Variants in ABI3BP observed in about 807,000 individuals in gnomAD.
The protein encoded by ABI3BP is ABI family member 3 binding protein, also known as target of Nesh-SH3.
ABI3BP carries 216 observed loss-of-function variants against 268.6 expected under a neutral mutation model. That is an observed-to-expected ratio of 0.80 (90% CI 0.72 to 0.90). The LOEUF is 0.90. Among genes scored for constraint, ABI3BP ranks in the 40% least tolerant of loss-of-function variants. The pLI, the probability that ABI3BP is intolerant of heterozygous loss-of-function variation, is 0.00. For synonymous variants in ABI3BP, 730 were observed against 730.0 expected, an observed-to-expected ratio of 1.00 and a Z score of 0.00; for missense variants, 2,090 against 2,182.4, an observed-to-expected ratio of 0.96 and a Z score of 0.84.
At chr3:100,753,885 G>T (rs201325132) in intron 64 of ABI3BP, 37 bp from the exon 65 acceptor site, 427 of 1,591,022 alleles carry the variant, frequency 2.7e-4, no homozygotes, top group Non-Finnish European at 3.4e-4. Flanking sequence ...GACCTTACTA[G>T]GTAAAACCCC....
chr3:100,856,745 A>G (rs1199528982), intron 14 of ABI3BP, among the ~76,000 whole-genome samples: 1 of 152,190 alleles, frequency 6.6e-6, no homozygotes, highest in Non-Finnish European at 1.5e-5. Context: ...GCATTATCAA[A>G]CTAGAAACAA....
In ABI3BP at chr3:100,770,859, C is replaced by G; in HGVS notation, c.4625G>C (p.Gly1542Ala). ...GTTCTGTGGTGGGCTGGTGGCATTC[C>G]CCTCTGTGGCCTCCTCTTTGGGGAA... Reference protein sequence around the residue: ...KRFPKEEATEGNATSPPQNPP... With the variant: ...KRFPKEEATEANATSPPQNPP... The change falls in exon 62 of 68, where the codon GGG (glycine) becomes GCG (alanine). Residue 1542 changes from glycine (G) to alanine (A), a missense_variant. Gly to Ala is a moderately conservative substitution (Grantham distance 60). Transcript: ENST00000471714. The G allele has an allele frequency of 6.2e-7, 1 of 1,604,270 alleles. No individual in the cohort carries two copies. Among genetic ancestry groups the G allele is most frequent in the Non-Finnish European group, 8.5e-7 (1 of 1,175,300 alleles).
intron 9 of ABI3BP, among the ~76,000 whole-genome samples, chr3:100,872,873 T>C (rs1479526263): frequency 2.6e-5 from 4 of 152,138 alleles, no homozygotes; most frequent in Non-Finnish European, 5.9e-5. Flanking sequence ...TAACTAACTC[T>C]AGGACTACTA....
chr3:100,792,691 C>T lies in ABI3BP; in HGVS notation c.4024G>A (p.Ala1342Thr). The T allele has an allele frequency of 3.1e-6, 5 of 1,610,664 alleles. No homozygotes were observed. The highest frequency in any genetic ancestry group is 4.2e-6 in the Non-Finnish European group (5 of 1,177,788). ...CTCCAGAGGTAGGGGAGAGGATTAC[C>T]CTGAGTTGTCTTTGCTAGTTCAGTT... ...RTTELAKTTQ[A>T]PHRFYTTVRP... The change falls in exon 55 of 68, where the codon GCG (alanine) becomes ACG (threonine). Residue 1342 changes from alanine to threonine, a missense_variant and splice_region_variant. Transcript: ENST00000471714.
intron 2 of ABI3BP, among the ~76,000 whole-genome samples, chr3:100,913,768 T>C (rs577360179): frequency 6.6e-6 from 1 of 152,346 alleles, no homozygotes; most frequent in South Asian, 2.1e-4. Context: ...TATAGAATTA[T>C]GGAGCATCAC....
At chr3:100,897,401 TA>T (rs139448805) in intron 4 of ABI3BP, among the ~76,000 whole-genome samples, 273 of 151,168 alleles carry the variant, frequency 1.8e-3, no homozygotes, top group Middle Eastern at 6.8e-3. Context: ...TTCATATACA[TA>T]AAAAAAAACA....
intron 3 of ABI3BP, among the ~76,000 whole-genome samples, chr3:100,901,411 T>C (rs2050236974): frequency 6.6e-6 from 1 of 151,452 alleles, no homozygotes; most frequent in Non-Finnish European, 1.5e-5. Context: ...TGGTATCCAG[T>C]GTACCATAAA....
chr3:100,981,949 A>G (rs1371454869), intron 1 of ABI3BP, among the ~76,000 whole-genome samples: 1 of 152,174 alleles, frequency 6.6e-6, no homozygotes, highest in Non-Finnish European at 1.5e-5. Context: ...ACACTACTAT[A>G]AAGAAATACC....
chr3:100,821,074 T>C lies in ABI3BP; in HGVS notation c.2927A>G (p.Glu976Gly), dbSNP rs2098205792. ...ATTACCTTGTGTTGTCACCCAAGTC[T>C]CAGTTCTGAGTGTAACAGGTTTGAG... is the stretch of plus-strand genomic sequence containing the variant. ...AELKPVTLRT[E>G]TWVTTQAPKT... Residue 976 changes from glutamate to glycine, a missense_variant, in exon 39 of 68, where the codon GAG (glutamate) becomes GGG (glycine). Physicochemically the swap from Glu to Gly is moderately conservative, Grantham distance 98. Transcript: ENST00000471714. 1.3e-6 allele frequency: 2 copies of C among 1,535,870 alleles called. No homozygotes were observed. The highest frequency in any genetic ancestry group is 2.0e-5 in the Admixed American group (1 of 50,986).
intron 49 of ABI3BP, among the ~76,000 whole-genome samples, chr3:100,808,499 T>C (rs2097771457): frequency 6.6e-6 from 1 of 152,092 alleles, no homozygotes; most frequent in Non-Finnish European, 1.5e-5. Flanking sequence ...AAATACCTTC[T>C]AAATAGTTTG....
At chr3:100,857,550 C>G (rs980520689) in intron 14 of ABI3BP, among the ~76,000 whole-genome samples, 1 of 152,200 alleles carries the variant, frequency 6.6e-6, no homozygotes, top group African/African-American at 2.4e-5. Context: ...TGGCCTCTCA[C>G]AGATCATGTG....
rs942366304 is a variant in ABI3BP, at chr3:100,838,458, T to C, written c.1952A>G (p.Lys651Arg). The C allele has an allele frequency of 6.5e-7, 1 of 1,535,486 alleles. No individual in the cohort carries two copies. The highest frequency in any genetic ancestry group is 1.4e-5 in the African/African-American group (1 of 73,000). The change falls in exon 25 of 68, where the codon AAA becomes AGA. Residue 651 changes from lysine to arginine, a missense_variant. Coordinates refer to ENST00000471714, the MANE Select transcript of ABI3BP (RefSeq NM_001375547.2). ...TGTGGTTTTAGGTCTCTCAGATGGT[T>C]TTGAGGCTAAAGAAAAAGGTATTAA... ...PEPLVPTTAS[K>R]PSERPKTTHR...
intron 1 of ABI3BP, among the ~76,000 whole-genome samples, chr3:100,929,122 T>C (rs2062821379): frequency 6.6e-6 from 1 of 152,058 alleles, no homozygotes; most frequent in Non-Finnish European, 1.5e-5. Flanking sequence ...CTCAACCAGC[T>C]TATTTCCAAC....
chr3:100,759,465 A>G (rs1299128778), intron 63 of ABI3BP, among the ~76,000 whole-genome samples: 1 of 152,162 alleles, frequency 6.6e-6, no homozygotes, highest in African/African-American at 2.4e-5. Flanking sequence ...AGAAGACAAA[A>G]TAAGGCTAAA....
intron 9 of ABI3BP, among the ~76,000 whole-genome samples, chr3:100,873,563 C>A (rs771924590): frequency 1.3e-5 from 2 of 152,162 alleles, no homozygotes; most frequent in Non-Finnish European, 1.5e-5. Context: ...TCACAGCAAG[C>A]CCTGACCTGA....
At chr3:100,946,063 C>T (rs1346887755) in intron 1 of ABI3BP, among the ~76,000 whole-genome samples, 1 of 152,028 alleles carries the variant, frequency 6.6e-6, no homozygotes, top group African/African-American at 2.4e-5. Context: ...GGATTTCTAT[C>T]TTTAGTCATT....
chr3:100,867,640 C>CA (rs5851230), intron 9 of ABI3BP, among the ~76,000 whole-genome samples: 22,734 of 64,110 alleles, frequency 0.35, 4,450 homozygotes, highest in Middle Eastern at 0.51. Flanking sequence ...GACCCCGTCT[C>CA]AAAAAAAAAA....
intron 12 of ABI3BP, 54 bp from the exon 13 acceptor site, chr3:100,862,963 G>T (rs1268924721): frequency 1.4e-5 from 19 of 1,360,164 alleles, no homozygotes; most frequent in Non-Finnish European, 1.9e-5. Context: ...TAACAGGAAA[G>T]ATTTTTAAAA....
chr3:100,890,542 A>C (rs189731179), intron 4 of ABI3BP, among the ~76,000 whole-genome samples: 387 of 152,188 alleles, frequency 2.5e-3, no homozygotes, highest in African/African-American at 9.0e-3. Context: ...AGTTGTTTAG[A>C]TATCTTTCAT....
Sources: allele counts gnomAD v4.1 joint callset (sites outside exome capture counted in the v4.1 genomes callset), GRCh38; gene constraint gnomAD v4.1.1; transcripts MANE v1.5; gene names NCBI Gene and HGNC (gene_info 2026-07-23, HGNC 2026-07-21).